Variants in RICTOR observed in about 807,000 individuals in gnomAD.
The protein encoded by RICTOR is rapamycin-insensitive companion of mTOR.
RICTOR carries 49 observed loss-of-function variants against 214.9 expected under a neutral mutation model. That is an observed-to-expected ratio of 0.23 (90% CI 0.18 to 0.29). The LOEUF (loss-of-function observed/expected upper bound fraction) is 0.29, where lower values mean the gene tolerates loss of function less well. Ranked by LOEUF, RICTOR falls within the 10% of genes least tolerant of loss-of-function variation. The pLI is 1.00. For synonymous variants in RICTOR, 717 were observed against 711.3 expected (o/e 1.01, Z -0.13); for missense variants, 1,625 against 2,047.0 (o/e 0.79, Z 3.98).
At chr5:39,044,916 T>A (rs1320220414) in intron 2 of RICTOR, among the ~76,000 whole-genome samples, 2 of 152,208 alleles carry the variant, frequency 1.3e-5, no homozygotes, top group Non-Finnish European at 2.9e-5. Flanking sequence ...ACCATTCCCC[T>A]TACCTAATCT....
At chr5:38,997,653 T>TA (rs547893780) in intron 5 of RICTOR, among the ~76,000 whole-genome samples, 31 of 147,258 alleles carry the variant, frequency 2.1e-4, no homozygotes, top group East Asian at 9.9e-4. Context: ...CAAGAAGATT[T>TA]AAAAAAAAAA....
intron 9 of RICTOR, among the ~76,000 whole-genome samples, chr5:38,976,650 C>G (rs1329431913): frequency 6.6e-6 from 1 of 152,156 alleles, no homozygotes; most frequent in African/African-American, 2.4e-5. Context: ...TAATCCATCT[C>G]TAACCTATTA....
intron 2 of RICTOR, among the ~76,000 whole-genome samples, chr5:39,063,376 C>G (rs1201008788): frequency 6.6e-6 from 1 of 152,130 alleles, no homozygotes. Flanking sequence ...TTACCCCTAA[C>G]TTTTTCTCAA....
At chr5:39,017,920 T>A (rs1361452078) in intron 3 of RICTOR, among the ~76,000 whole-genome samples, 2 of 152,088 alleles carry the variant, frequency 1.3e-5, no homozygotes, top group African/African-American at 4.8e-5. Context: ...GGGGCTAAAA[T>A]AGTGCATTTT....
chr5:38,975,616 G>T lies in RICTOR; in HGVS notation c.822-12C>A, dbSNP rs1415021457. ...CTTCTCTGTCTTCTCTGTTGGGGGTGGGGAGGCAGCGGGGAGAATCAATGA... is the reference window on the plus strand; with the variant it reads ...CTTCTCTGTCTTCTCTGTTGGGGGTTGGGAGGCAGCGGGGAGAATCAATGA... On this transcript the variant is annotated splice_polypyrimidine_tract_variant and intron_variant, in intron 9 of 37. Coordinates refer to ENST00000357387, the MANE Select transcript of RICTOR (RefSeq NM_152756.5). 1 of 1,609,886 alleles carries T rather than the reference G, an allele frequency of 6.2e-7. No individual in the cohort carries two copies. The highest frequency in any genetic ancestry group is 1.3e-5 in the African/African-American group (1 of 74,908).
chr5:38,947,999 C>CACTGATATTTCCACAATGT (rs575676900), intron 31 of RICTOR, among the ~76,000 whole-genome samples: 1 of 152,010 alleles, frequency 6.6e-6, no homozygotes, highest in African/African-American at 2.4e-5. Flanking sequence ...TTGTAAAAAG[C>CACTGATATTTCCACAATGT]ACTGATATTT....
intron 2 of RICTOR, among the ~76,000 whole-genome samples, chr5:39,057,779 C>G (rs944858979): frequency 6.6e-6 from 1 of 151,970 alleles, no homozygotes; most frequent in Non-Finnish European, 1.5e-5. Flanking sequence ...TTAAGTGTTC[C>G]CATCTTCAGG....
chr5:39,040,963 T>C (rs1005151898), intron 2 of RICTOR, among the ~76,000 whole-genome samples: 4 of 152,134 alleles, frequency 2.6e-5, no homozygotes, highest in African/African-American at 9.7e-5. Flanking sequence ...GTAAATATCA[T>C]GCAAATAAAA....
At chr5:38,952,094 G>A in intron 30 of RICTOR, 102 bp downstream of exon 30, 1 of 722,788 alleles carries the variant, frequency 1.4e-6, no homozygotes, top group Non-Finnish European at 2.3e-6. Flanking sequence ...AATTATCTTA[G>A]ACAAAAGCAA....
rs372710043 is a variant in RICTOR at position 38,955,591 on chromosome 5, G to A, written c.2609+4C>T. 28 of 1,488,400 alleles carry A rather than the reference G, an allele frequency of 1.9e-5. No individual in the cohort carries two copies. The highest frequency in any genetic ancestry group is 3.4e-5 in the South Asian group (3 of 88,144). The allele number at this position is 1,488,400 out of a possible 1,614,324, so 92.2% of individuals were successfully genotyped here. ...AGTTTTAAATCTGATAACTGGGTAC[G>A]CACCTTTGGTTACTCCGACGAACAT... On this transcript the variant is annotated splice_donor_region_variant and intron_variant, in intron 26 of 37. Coordinates refer to ENST00000357387, the MANE Select transcript of RICTOR (RefSeq NM_152756.5).
intron 3 of RICTOR, among the ~76,000 whole-genome samples, chr5:39,015,063 T>G (rs1482266813): frequency 6.6e-6 from 1 of 152,180 alleles, no homozygotes; most frequent in Non-Finnish European, 1.5e-5. Context: ...ACTACGTATT[T>G]TTTTGTGTTT....
rs2112777540 is a variant in RICTOR, at chr5:38,942,315, C to T, written c.5116G>A (p.Ala1706Thr). The change falls in exon 38 of 38, where the codon GCT (alanine) becomes ACT (threonine). Residue 1706 changes from alanine to threonine, a missense_variant. By Grantham distance (58) the Ala-to-Thr change is moderately conservative. Around this residue, in one of 5 missense-constraint regions of RICTOR, gnomAD observed 38 missense variants for 34.8 expected, o/e 1.09. Transcript: ENST00000357387. The part of the protein sequence containing the change: ...PPKQPIVDTS[A>T]ES ...TCATAAATATGAGGTCAGGATTCAG[C>T]AGATGTATCAACTATAGGTTGCTTT... 1 of 1,589,570 alleles carries T rather than the reference C, an allele frequency of 6.3e-7. No individual in the cohort carries two copies. The highest frequency in any genetic ancestry group is 1.1e-5 in the South Asian group (1 of 88,272).
intron 2 of RICTOR, among the ~76,000 whole-genome samples, chr5:39,057,391 T>G (rs1348320127): frequency 1.3e-5 from 2 of 152,146 alleles, no homozygotes; most frequent in Non-Finnish European, 2.9e-5. Flanking sequence ...TCTGCGAAAT[T>G]AATCCATCAC....
intron 3 of RICTOR, among the ~76,000 whole-genome samples, chr5:39,004,002 T>G (rs1324854339): frequency 1.3e-5 from 2 of 152,212 alleles, no homozygotes; most frequent in East Asian, 3.8e-4. Context: ...ATCTCACACT[T>G]TAATTTCACT....
At chr5:38,951,675 TACACCTA>T (rs749612980) in intron 30 of RICTOR, among the ~76,000 whole-genome samples, 16 of 151,986 alleles carry the variant, frequency 1.1e-4, no homozygotes, top group Non-Finnish European at 2.1e-4. Flanking sequence ...TTAAATTTTG[TACACCTA>T]ACACCACTTA....
intron 5 of RICTOR, among the ~76,000 whole-genome samples, chr5:38,997,624 C>G (rs1753271446): frequency 6.6e-6 from 1 of 151,972 alleles, no homozygotes; most frequent in South Asian, 2.1e-4. Context: ...GAGGTTCTGA[C>G]TGTCTTCCCA....
Position 38,953,520 on chromosome 5 carries a change from T to A in RICTOR, c.2731A>T (p.Thr911Ser). 6.8e-7 allele frequency: 1 copy of A among 1,474,252 alleles called. No individual in the cohort carries two copies. The highest frequency in any genetic ancestry group is 9.1e-7 in the Non-Finnish European group (1 of 1,099,476). 91.3% of individuals were successfully genotyped at this position (1,474,252 alleles called of 1,614,324 possible). A position where few individuals can be genotyped will look rare whatever the true frequency, so the allele number is the denominator to read the frequency against. ...TCTTCCCACTTATCCAAATCTGGTG[T>A]ACGAACATTACGACAGAGTTCTGTA... ...IITELCRNVRTPDLDKWEEIK... is the reference protein window; with the variant it reads ...IITELCRNVRSPDLDKWEEIK... The change falls in exon 28 of 38, where the codon ACA becomes TCA. Residue 911 changes from threonine (T) to serine (S), a missense_variant. Thr to Ser is a moderately conservative substitution (Grantham distance 58). Around this residue, in one of 5 missense-constraint regions of RICTOR, gnomAD observed 1,214 missense variants for 1,470.5 expected, o/e 0.83. Transcript: ENST00000357387.
At position 38,992,999 on chromosome 5, in the gene RICTOR, G is replaced by T. The variant is rs114168042; in HGVS notation, c.457-1924C>A. Reference sequence around the variant, plus strand: ...AGAAGATCGATGTAAGGTGAGAAGGGCTGAAAATGAAGAGTAGGAAGGAAG... The same window carrying T: ...AGAAGATCGATGTAAGGTGAGAAGGTCTGAAAATGAAGAGTAGGAAGGAAG... On this transcript the variant is annotated intron_variant, in intron 6 of 37. Transcript: ENST00000357387. Among the ~76,000 whole-genome samples the T allele has an allele frequency of 5.9e-3, 904 of 152,272 alleles. 12 individuals are homozygous for T. Among genetic ancestry groups the T allele is most frequent in the African/African-American group, 0.021 (866 of 41,562 alleles).
At chr5:38,967,279 G>T in intron 13 of RICTOR, 52 bp from the exon 14 acceptor site, 1 of 1,591,760 alleles carries the variant, frequency 6.3e-7, no homozygotes, top group Non-Finnish European at 8.6e-7. Context: ...AGATTACACA[G>T]TCTAACATAA....
Sources: allele counts gnomAD v4.1 joint callset (sites outside exome capture counted in the v4.1 genomes callset), GRCh38; gene constraint gnomAD v4.1.1; regional missense constraint gnomAD v4.1.1; transcripts MANE v1.5; gene names NCBI Gene and HGNC (gene_info 2026-07-23, HGNC 2026-07-21).